SH2D4A: variants seen among roughly 807,000 people sequenced by gnomAD.
SH2D4A encodes SH2 domain-containing protein 4A.
SH2D4A carries 70 observed loss-of-function variants against 64.7 expected under a neutral mutation model. The ratio of observed to expected loss-of-function variants is 1.08; its 90% CI spans 0.89 to 1.32. The LOEUF is 1.32. SH2D4A is among the 40% of genes most tolerant of loss of function. The pLI is 0.00. For synonymous variants in SH2D4A, 268 were observed against 200.7 expected (o/e 1.34, Z -2.83); for missense variants, 706 against 540.1 (o/e 1.31, Z -3.04).
At chr8:19,316,456 G>C (rs1191531898) in intron 1 of SH2D4A, among the ~76,000 whole-genome samples, 2 of 152,174 alleles carry the variant, frequency 1.3e-5, no homozygotes, top group Non-Finnish European at 2.9e-5. Flanking sequence ...GGATGACTAA[G>C]TGCAAGGGGA....
At position 19,363,807 on chromosome 8, in the gene SH2D4A, T is replaced by G. The variant is rs559256367; in HGVS notation, c.707-265T>G. 95 of 485,426 alleles carry G rather than the reference T, an allele frequency of 2.0e-4. No homozygotes were observed. In the South Asian group the frequency reaches 2.1e-3, roughly 11 times the overall value. 30.1% of individuals were successfully genotyped at this position (485,426 alleles called of 1,614,324 possible). A position where few individuals can be genotyped will look rare whatever the true frequency, so the allele number is the denominator to read the frequency against. On this transcript the variant is annotated intron_variant, in intron 6 of 9. Coordinates refer to ENST00000265807, the MANE Select transcript of SH2D4A (RefSeq NM_022071.4). Reference sequence around the variant, plus strand: ...GGAAATTCTTGCACACTTTCTCTACTTCTCTCTCATCCCTTCTTCCTCCTC... The same window carrying G: ...GGAAATTCTTGCACACTTTCTCTACGTCTCTCTCATCCCTTCTTCCTCCTC...
rs773415235 is a variant in SH2D4A, at chr8:19,357,221, A to C, written c.532A>C (p.Arg178=). 9 of 1,613,938 alleles carry C rather than the reference A, an allele frequency of 5.6e-6. No individual in the cohort carries two copies. In the East Asian group the frequency reaches 1.8e-4, roughly 32 times the overall value. ...EKIRSLSSSS[R]NIQQMLADSI... ...TTTTTAGTCACTCTCCAGTTCTTCA[A>C]GAAATATTCAACAAATGTTGGCAGA... Residue 178 remains arginine, a synonymous_variant, in exon 5 of 10, where the codon AGA becomes CGA. Coordinates refer to ENST00000265807, the MANE Select transcript of SH2D4A (RefSeq NM_022071.4).
chr8:19,372,563 A>G (rs557964036), intron 7 of SH2D4A, among the ~76,000 whole-genome samples: 1 of 152,300 alleles, frequency 6.6e-6, no homozygotes, highest in South Asian at 2.1e-4. Context: ...TGGCTCAGAT[A>G]GACGCTTGTC....
Position 19,313,821 on chromosome 8 carries a change from C to G in SH2D4A, c.-207C>G, listed in dbSNP as rs565150535. 2,470 of 1,499,414 alleles carry G rather than the reference C, an allele frequency of 1.6e-3. 42 individuals carry two copies. The African/African-American group carries it at 0.031, about 19-fold the overall frequency. 92.9% of individuals were successfully genotyped at this position (1,499,414 alleles called of 1,614,324 possible). A position where few individuals can be genotyped will look rare whatever the true frequency, so the allele number is the denominator to read the frequency against. ...CCACCCTGCCCAGGGGCGCCCAGCA[C>G]TGGTAGGTGCTGGGGGTGGGGCGAG... On this transcript the variant is annotated splice_region_variant and 5_prime_UTR_variant, in exon 1 of 10. Transcript: ENST00000265807.
At chr8:19,333,716 T>A (rs1041734479) in intron 3 of SH2D4A, among the ~76,000 whole-genome samples, 1 of 152,114 alleles carries the variant, frequency 6.6e-6, no homozygotes, top group African/African-American at 2.4e-5. Context: ...TGATTTGTGC[T>A]ATAATTAAGG....
intron 4 of SH2D4A, among the ~76,000 whole-genome samples, chr8:19,349,294 T>G (rs777072822): frequency 6.6e-6 from 1 of 152,202 alleles, no homozygotes; most frequent in Non-Finnish European, 1.5e-5. Flanking sequence ...TCACGGTAGG[T>G]AATTTGTAGA....
chr8:19,357,649 G>A (rs1585177770), intron 5 of SH2D4A, among the ~76,000 whole-genome samples: 1 of 152,176 alleles, frequency 6.6e-6, no homozygotes, highest in East Asian at 1.9e-4. Context: ...TGTGCTCTTT[G>A]TTTCTGAACC....
chr8:19,371,908 C>T (rs533809599), intron 7 of SH2D4A, among the ~76,000 whole-genome samples: 1 of 152,158 alleles, frequency 6.6e-6, no homozygotes, highest in South Asian at 2.1e-4. Flanking sequence ...CTTTCTGCTA[C>T]ATTTCCCTGA....
chr8:19,357,391 G>A (rs767836290), intron 5 of SH2D4A, 108 bp downstream of exon 5: 3 of 850,762 alleles, frequency 3.5e-6, no homozygotes, highest in Non-Finnish European at 5.7e-6. Context: ...TAAGCAGCAG[G>A]ATGGGAAATC....
intron 4 of SH2D4A, among the ~76,000 whole-genome samples, chr8:19,345,973 C>T (rs1585164531): frequency 6.6e-6 from 1 of 152,328 alleles, no homozygotes; most frequent in East Asian, 1.9e-4. Context: ...ACCTTAAGGT[C>T]CAGTCTCAGA....
intron 8 of SH2D4A, among the ~76,000 whole-genome samples, chr8:19,390,019 C>A (rs1369321123): frequency 1.3e-5 from 2 of 152,186 alleles, no homozygotes; most frequent in Non-Finnish European, 2.9e-5. Context: ...GGGATGAAGA[C>A]CCCTGCTTCA....
chr8:19,343,998 C>T (rs74591000), intron 4 of SH2D4A, among the ~76,000 whole-genome samples: 4 of 152,012 alleles, frequency 2.6e-5, no homozygotes, highest in African/African-American at 7.3e-5. Flanking sequence ...CCTCATGTGT[C>T]GGGGAGGGAG....
At chr8:19,356,624 T>C (rs76264228) in intron 4 of SH2D4A, among the ~76,000 whole-genome samples, 18,990 of 152,162 alleles carry the variant, frequency 0.12, 1,257 homozygotes, top group Middle Eastern at 0.18. Context: ...AGGCAATGAA[T>C]CTGGGAACCC....
chr8:19,372,845 T>TC (rs2053126193), intron 7 of SH2D4A, among the ~76,000 whole-genome samples: 1 of 125,958 alleles, frequency 7.9e-6, no homozygotes, highest in African/African-American at 3.8e-5. Context: ...ATTTCTTTAC[T>TC]TTTTTTTTTT....
intron 2 of SH2D4A, among the ~76,000 whole-genome samples, chr8:19,332,299 A>G (rs1030407778): frequency 1.1e-4 from 17 of 152,100 alleles, no homozygotes; most frequent in Admixed American, 9.8e-4. Context: ...GATAATGCAA[A>G]CAATGAATGC....
chr8:19,383,154 C>CCTT (rs113843087), intron 8 of SH2D4A, among the ~76,000 whole-genome samples: 25,923 of 151,820 alleles, frequency 0.17, 2,542 homozygotes, highest in African/African-American at 0.27. Context: ...CTCTCTGCCC[C>CCTT]CTTCTCCTTC....
Position 19,395,466 on chromosome 8 carries a change from TC to T in SH2D4A, c.*828del, listed in dbSNP as rs1272107431. ...ATATATGGTGAAGTCTTAACCCCCA[TC>T]CCCGTGAATGGGACCTTGTTTGGAA... is the stretch of plus-strand genomic sequence containing the variant. On this transcript the variant is annotated 3_prime_UTR_variant, in exon 10 of 10. Transcript: ENST00000265807. 2.0e-5 allele frequency: 3 copies of T among 152,164 alleles called. No homozygotes were observed. The highest frequency in any genetic ancestry group is 4.4e-5 in the Non-Finnish European group (3 of 68,082). 9.4% of individuals were successfully genotyped at this position (152,164 alleles called of 1,614,324 possible). A position where few individuals can be genotyped will look rare whatever the true frequency, so the allele number is the denominator to read the frequency against.
At chr8:19,387,685 C>T (rs2053413832) in intron 8 of SH2D4A, among the ~76,000 whole-genome samples, 1 of 152,190 alleles carries the variant, frequency 6.6e-6, no homozygotes, top group Admixed American at 6.5e-5. Flanking sequence ...TCCCTGGGGC[C>T]ACAGTGCCTG....
At chr8:19,346,560 A>C (rs1269596196) in intron 4 of SH2D4A, among the ~76,000 whole-genome samples, 2 of 152,184 alleles carry the variant, frequency 1.3e-5, no homozygotes, top group African/African-American at 4.8e-5. Flanking sequence ...GTGCACAATA[A>C]ATGTAATGCA....
Sources: gnomAD v4.1 joint callset for allele counts (sites outside exome capture counted in the v4.1 genomes callset) on GRCh38, gnomAD v4.1.1 for gene constraint, MANE v1.5 for transcripts, NCBI Gene and HGNC (gene_info 2026-07-23, HGNC 2026-07-21) for gene names.